Variants in RALYL observed in about 807,000 individuals in gnomAD.
RALYL encodes RNA-binding Raly-like protein.
In RALYL, 29 loss-of-function variants were observed where a neutral mutation model predicts 35.1. That is an observed-to-expected ratio of 0.83 (90% CI 0.61 to 1.13). RALYL has a LOEUF of 1.13. Ranked by LOEUF, RALYL falls within the 50% of genes most tolerant of loss-of-function variation. The pLI is 0.00. For missense variants in RALYL, 359 were observed against 360.4 expected, an observed-to-expected ratio of 1.00 and a Z score of 0.03; for synonymous variants, 120 against 127.6, an observed-to-expected ratio of 0.94 and a Z score of 0.40.
At chr8:84,283,880 C>G (rs1402228533) in intron 1 of RALYL, among the ~76,000 whole-genome samples, 1 of 151,706 alleles carries the variant, frequency 6.6e-6, no homozygotes, top group African/African-American at 2.4e-5. Context: ...ATGGCTGATT[C>G]CCAGAAGTGA....
intron 5 of RALYL, among the ~76,000 whole-genome samples, chr8:84,851,226 CA>C (rs978589529): frequency 6.6e-6 from 1 of 151,574 alleles, no homozygotes; most frequent in South Asian, 2.1e-4. Flanking sequence ...CAATGAACAG[CA>C]AAAAAAATCA....
At chr8:84,776,432 T>G (rs1342250898) in intron 3 of RALYL, among the ~76,000 whole-genome samples, 1 of 152,190 alleles carries the variant, frequency 6.6e-6, no homozygotes, top group Non-Finnish European at 1.5e-5. Flanking sequence ...GTATAACAAA[T>G]GTTGATAGTG....
intron 1 of RALYL, among the ~76,000 whole-genome samples, chr8:84,344,977 T>C (rs1249102627): frequency 6.6e-6 from 1 of 152,112 alleles, no homozygotes. Flanking sequence ...AGATAGTGGC[T>C]TTTGTAAATA....
chr8:84,488,247 T>TA, intron 1 of RALYL, among the ~76,000 whole-genome samples: 1 of 152,076 alleles, frequency 6.6e-6, no homozygotes, highest in African/African-American at 2.4e-5. Flanking sequence ...GTGATACAAA[T>TA]ACGGTTGAAT....
intron 2 of RALYL, among the ~76,000 whole-genome samples, chr8:84,566,859 T>C (rs1390499695): frequency 6.6e-6 from 1 of 151,742 alleles, no homozygotes; most frequent in Non-Finnish European, 1.5e-5. Flanking sequence ...GCTTTTTAAA[T>C]TACAGAATTA....
intron 1 of RALYL, among the ~76,000 whole-genome samples, chr8:84,231,946 T>C (rs969323894): frequency 6.6e-6 from 1 of 152,152 alleles, no homozygotes; most frequent in Non-Finnish European, 1.5e-5. Context: ...AGATATCTGA[T>C]ATATAGGTAT....
intron 2 of RALYL, among the ~76,000 whole-genome samples, chr8:84,619,785 C>A (rs1318188460): frequency 4.6e-5 from 7 of 150,882 alleles, no homozygotes; most frequent in Non-Finnish European, 7.4e-5. Context: ...TTAGGGCAGG[C>A]CTGATGGTGA....
intron 2 of RALYL, among the ~76,000 whole-genome samples, chr8:84,682,499 T>A (rs1835783150): frequency 6.6e-6 from 1 of 152,188 alleles, no homozygotes; most frequent in South Asian, 2.1e-4. Flanking sequence ...AGGCTATTAA[T>A]TATTGCCTCA....
intron 1 of RALYL, among the ~76,000 whole-genome samples, chr8:84,401,824 CT>C (rs747272137): frequency 0.01 from 1,445 of 144,090 alleles, 5 homozygotes; most frequent in African/African-American, 0.019. Context: ...TGCAGTAAAA[CT>C]TTTTTTTTTT....
At chr8:84,760,354 T>C (rs1812400132) in intron 2 of RALYL, among the ~76,000 whole-genome samples, 1 of 152,070 alleles carries the variant, frequency 6.6e-6, no homozygotes, top group African/African-American at 2.4e-5. Context: ...GGTTATGTTA[T>C]ACAAATAATT....
chr8:84,585,085 C>T (rs1385457898), intron 2 of RALYL, among the ~76,000 whole-genome samples: 1 of 152,174 alleles, frequency 6.6e-6, no homozygotes, highest in Non-Finnish European at 1.5e-5. Flanking sequence ...GGTCAACCTT[C>T]TCCCAGCATA....
intron 4 of RALYL, among the ~76,000 whole-genome samples, chr8:84,810,529 A>G (rs190967066): frequency 1.3e-5 from 2 of 152,160 alleles, no homozygotes; most frequent in East Asian, 3.9e-4. Flanking sequence ...CTTTAAATCC[A>G]TTGTTTCTTT....
At chr8:84,683,106 A>G (rs1200227552) in intron 2 of RALYL, among the ~76,000 whole-genome samples, 1 of 152,168 alleles carries the variant, frequency 6.6e-6, no homozygotes, top group East Asian at 1.9e-4. Flanking sequence ...TGTACCCAGT[A>G]GTCATTCAGG....
At position 84,638,850 on chromosome 8, in the gene RALYL, C is replaced by T. The variant is rs561626511; in HGVS notation, c.256+109273C>T. ...AGAAAAGACATCTATAACAGAAATA[C>T]GAGTATCTAATGCACGCATAAATAT... On this transcript the variant is annotated intron_variant, in intron 2 of 8. Transcript: ENST00000521268. 2.5e-4 allele frequency among the ~76,000 whole-genome samples: 25 copies of T among 100,506 alleles called. No homozygotes were observed. The South Asian group carries it at 6.3e-3, about 25-fold the overall frequency. 65.9% of individuals were successfully genotyped at this position (100,506 alleles called of 152,430 possible).
intron 1 of RALYL, among the ~76,000 whole-genome samples, chr8:84,525,508 G>T (rs895009952): frequency 1.5e-4 from 23 of 151,866 alleles, no homozygotes; most frequent in Non-Finnish European, 7.4e-5. Context: ...GAGATTCTTA[G>T]ATCTGTGGGA....
chr8:84,259,635 T>A (rs1043432972), intron 1 of RALYL, among the ~76,000 whole-genome samples: 18 of 152,190 alleles, frequency 1.2e-4, no homozygotes, highest in Non-Finnish European at 1.9e-4. Context: ...CAAATATTCA[T>A]TAAATAATAT....
At chr8:84,427,713 GCTAT>G (rs2046654445) in intron 1 of RALYL, among the ~76,000 whole-genome samples, 1 of 152,042 alleles carries the variant, frequency 6.6e-6, no homozygotes, top group Non-Finnish European at 1.5e-5. Flanking sequence ...CTGTTCTACT[GCTAT>G]CTGAGACGCG....
intron 2 of RALYL, among the ~76,000 whole-genome samples, chr8:84,572,168 A>T (rs1211492815): frequency 6.6e-6 from 1 of 151,744 alleles, no homozygotes; most frequent in Non-Finnish European, 1.5e-5. Flanking sequence ...TTTAGCAATT[A>T]GGTGGGTCTC....
intron 1 of RALYL, among the ~76,000 whole-genome samples, chr8:84,245,609 C>T (rs1172443409): frequency 4.6e-5 from 7 of 152,068 alleles, no homozygotes; most frequent in Non-Finnish European, 1.0e-4. Flanking sequence ...GCTGTTTAAG[C>T]GTATGCATAT....
Sources: gnomAD v4.1 joint callset for allele counts (sites outside exome capture counted in the v4.1 genomes callset) on GRCh38, gnomAD v4.1.1 for gene constraint, MANE v1.5 for transcripts, NCBI Gene and HGNC (gene_info 2026-07-23, HGNC 2026-07-21) for gene names.